DNAH7: variants seen among roughly 807,000 people sequenced by gnomAD.
The protein encoded by DNAH7 is axonemal beta dynein heavy chain 7.
A neutral mutation model predicts 444.6 loss-of-function variants in DNAH7; 397 were observed. The observed-to-expected ratio is 0.89, with a 90% CI of 0.82 to 0.97. The LOEUF (loss-of-function observed/expected upper bound fraction) is 0.97, where lower values mean the gene tolerates loss of function less well. Among genes scored for constraint, DNAH7 ranks in the 50% least tolerant of loss-of-function variants. DNAH7 has a pLI of 0.00. For missense variants in DNAH7, 4,902 were observed against 4,800.8 expected (o/e 1.02, Z -0.62); for synonymous variants, 1,636 against 1,624.4 (o/e 1.01, Z -0.17).
chr2:195,896,128 C>T (rs1406966897), intron 29 of DNAH7, among the ~76,000 whole-genome samples: 8 of 152,200 alleles, frequency 5.3e-5, no homozygotes, highest in Non-Finnish European at 7.3e-5. Context: ...TAAGAAACTG[C>T]TTAACTGTTT....
chr2:195,853,383 A>G lies in DNAH7; in HGVS notation c.8741T>C (p.Val2914Ala). The change falls in exon 46 of 65, where the codon GTG becomes GCG. Residue 2914 changes from valine to alanine, a missense_variant. By Grantham distance (64) the Val-to-Ala change is moderately conservative. Coordinates refer to ENST00000312428, the MANE Select transcript of DNAH7 (RefSeq NM_018897.3). ...TGTGAAGGCTCCGAGGTAAGCAACC[A>G]CTCCGGAGGAAATGAGGATATCCCC... Reference protein sequence around the residue: ...LTGDILISSGVVAYLGAFTST... With the variant: ...LTGDILISSGAVAYLGAFTST... 1 of 1,613,886 alleles carries G rather than the reference A, an allele frequency of 6.2e-7. No homozygotes were observed. Among genetic ancestry groups the G allele is most frequent in the Middle Eastern group, 1.7e-4 (1 of 6,060 alleles).
intron 15 of DNAH7, among the ~76,000 whole-genome samples, chr2:195,984,278 T>C (rs1380295794): frequency 1.3e-5 from 2 of 152,216 alleles, no homozygotes; most frequent in African/African-American, 4.8e-5. Flanking sequence ...CAGGAGCATC[T>C]AGCCTAAATT....
chr2:196,049,024 T>G (rs2125856059), intron 3 of DNAH7, among the ~76,000 whole-genome samples: 1 of 152,302 alleles, frequency 6.6e-6, no homozygotes, highest in East Asian at 1.9e-4. Context: ...AGCCAATTAT[T>G]GCAATACCAG....
chr2:196,060,954 AAAGTTC>A (rs146390867), intron 1 of DNAH7, among the ~76,000 whole-genome samples: 112 of 152,268 alleles, frequency 7.4e-4, no homozygotes, highest in African/African-American at 2.6e-3. Context: ...CTCATTTTTT[AAAGTTC>A]ATTTTTAAAT....
intron 61 of DNAH7, among the ~76,000 whole-genome samples, chr2:195,758,842 A>T (rs1374252300): frequency 1.3e-5 from 2 of 152,208 alleles, no homozygotes; most frequent in Non-Finnish European, 2.9e-5. Context: ...AAGCATTTAG[A>T]CCAACCCTAA....
chr2:195,964,775 C>T (rs1056665939), intron 17 of DNAH7, among the ~76,000 whole-genome samples: 2 of 150,726 alleles, frequency 1.3e-5, no homozygotes, highest in Non-Finnish European at 2.9e-5. Context: ...ACTAGAGAGA[C>T]TGAGGCAGAA....
At chr2:195,824,699 G>A (rs1697634659) in intron 48 of DNAH7, among the ~76,000 whole-genome samples, 1 of 152,080 alleles carries the variant, frequency 6.6e-6, no homozygotes, top group South Asian at 2.1e-4. Flanking sequence ...AGTCCTGCTG[G>A]GTGCATGCTG....
At chr2:195,745,659 G>C (rs1443279613) in intron 63 of DNAH7, among the ~76,000 whole-genome samples, 3 of 152,162 alleles carry the variant, frequency 2.0e-5, no homozygotes, top group Non-Finnish European at 4.4e-5. Flanking sequence ...CAGATCTCTG[G>C]GCAGAAACTC....
At chr2:195,990,267 G>T (rs774787480) in intron 12 of DNAH7, among the ~76,000 whole-genome samples, 8 of 151,932 alleles carry the variant, frequency 5.3e-5, no homozygotes, top group Non-Finnish European at 1.2e-4. Context: ...GAGAGACAGG[G>T]GTCTAGTTTG....
At chr2:196,028,221 C>T (rs1695811798) in intron 5 of DNAH7, among the ~76,000 whole-genome samples, 174 bp from the exon 6 acceptor site, 2 of 152,142 alleles carry the variant, frequency 1.3e-5, no homozygotes, top group South Asian at 4.1e-4. Context: ...TCTCCAAATA[C>T]TTTATTCATA....
At chr2:195,775,639 AAGAT>A (rs1695024736) in intron 60 of DNAH7, among the ~76,000 whole-genome samples, 1 of 132,172 alleles carries the variant, frequency 7.6e-6, no homozygotes, top group South Asian at 2.5e-4. Context: ...TTCCCAAAAA[AAGAT>A]AGATGAAAAA....
At chr2:195,919,570 C>G (rs1028411497) in intron 24 of DNAH7, among the ~76,000 whole-genome samples, 1 of 152,144 alleles carries the variant, frequency 6.6e-6, no homozygotes, top group Admixed American at 6.5e-5. Flanking sequence ...GTCTCAAATT[C>G]CTGGGCTCAA....
intron 2 of DNAH7, among the ~76,000 whole-genome samples, chr2:196,053,314 T>C (rs1264420601): frequency 1.3e-5 from 2 of 152,250 alleles, no homozygotes; most frequent in East Asian, 1.9e-4. Context: ...AGAGAGCCAC[T>C]GCAGTCTCCT....
chr2:195,888,262 G>T lies in DNAH7; in HGVS notation c.5402C>A (p.Thr1801Lys). The T allele has an allele frequency of 6.2e-7, 1 of 1,605,000 alleles. No homozygotes were observed. The highest frequency in any genetic ancestry group is 2.3e-5 in the East Asian group (1 of 44,330). Reference protein sequence around the residue: ...PVSVEFIRKHTKELSPTSDTN... With the variant: ...PVSVEFIRKHKKELSPTSDTN... ...TAAAATTCTCATTTCCCTTACCTTT[G>T]TATGCTTTCTAATAAATTCAACCGA... Residue 1801 changes from threonine to lysine, a missense_variant, in exon 33 of 65, where the codon ACA becomes AAA. By Grantham distance (78) the Thr-to-Lys change is moderately conservative (BLOSUM62 -1). Coordinates refer to ENST00000312428, the MANE Select transcript of DNAH7 (RefSeq NM_018897.3).
intron 25 of DNAH7, among the ~76,000 whole-genome samples, chr2:195,908,484 G>A (rs896916085): frequency 2.0e-5 from 3 of 152,024 alleles, no homozygotes; most frequent in African/African-American, 4.8e-5. Context: ...CTACAGCCAT[G>A]TGTACAGATT....
In DNAH7 at chr2:195,872,458, G is replaced by A. The variant is rs746313793; in HGVS notation, c.6425C>T (p.Pro2142Leu). Reference protein sequence around the residue: ...TWHLEICYKFPDEFLDLTTQI... With the variant: ...TWHLEICYKFLDEFLDLTTQI... Reference sequence around the variant, plus strand: ...TGTGGTCAAATCTAGAAATTCATCTGGAAATTTATAACTTAAAAATTTTTT... The same window carrying A: ...TGTGGTCAAATCTAGAAATTCATCTAGAAATTTATAACTTAAAAATTTTTT... The change falls in exon 40 of 65, where the codon CCA becomes CTA. Residue 2142 changes from proline to leucine, a missense_variant. Transcript: ENST00000312428. 4 of 1,579,276 alleles carry A rather than the reference G, an allele frequency of 2.5e-6. 1 individual carries two copies. In the South Asian group the frequency reaches 3.7e-5, roughly 15 times the overall value.
chr2:195,778,463 C>T (rs1212926540), intron 58 of DNAH7, among the ~76,000 whole-genome samples: 1 of 147,650 alleles, frequency 6.8e-6, no homozygotes. Context: ...CATGGGGAGA[C>T]CCTGTCCCTA....
chr2:196,005,936 A>C lies in DNAH7; in HGVS notation c.990-4078T>G, dbSNP rs201312937. On this transcript the variant is annotated intron_variant, in intron 10 of 64. Transcript: ENST00000312428. ...CATAACACACACACACACACACACA[A>C]AAACTACAGACCAATATCTCATATG... is the stretch of plus-strand genomic sequence containing the variant. 7.7e-4 allele frequency among the ~76,000 whole-genome samples: 115 copies of C among 149,558 alleles called. No homozygotes were observed. The East Asian group carries it at 0.013, about 17-fold the overall frequency.
intron 2 of DNAH7, among the ~76,000 whole-genome samples, chr2:196,057,503 A>G (rs1326394333): frequency 6.6e-6 from 1 of 152,222 alleles, no homozygotes; most frequent in Non-Finnish European, 1.5e-5. Context: ...CTTTGATTCT[A>G]TTTTGTAGAA....
Sources: allele counts gnomAD v4.1 joint callset (sites outside exome capture counted in the v4.1 genomes callset), GRCh38; gene constraint gnomAD v4.1.1; transcripts MANE v1.5; gene names NCBI Gene and HGNC (gene_info 2026-07-23, HGNC 2026-07-21).